Variants in PTPRN2 observed in about 807,000 individuals in gnomAD.
The protein encoded by PTPRN2 is protein tyrosine phosphatase receptor type N2.
In PTPRN2, 74 loss-of-function variants were observed where a neutral mutation model predicts 118.8. That is an observed-to-expected ratio of 0.62 (90% CI 0.52 to 0.76). The LOEUF is 0.76. PTPRN2 is among the 30% of genes least tolerant of loss of function. The pLI, the probability that PTPRN2 is intolerant of heterozygous loss-of-function variation, is 0.00. For missense variants in PTPRN2, 1,481 were observed against 1,394.4 expected, an observed-to-expected ratio of 1.06 and a Z score of -0.99; for synonymous variants, 641 against 608.0, an observed-to-expected ratio of 1.05 and a Z score of -0.80.
intron 12 of PTPRN2, among the ~76,000 whole-genome samples, chr7:157,777,869 G>C (rs1363932090): frequency 6.6e-6 from 1 of 151,920 alleles, no homozygotes; most frequent in Non-Finnish European, 1.5e-5. Flanking sequence ...CTGCTGAAAA[G>C]CTAGTTTCTT....
chr7:158,078,463 T>C (rs1162549151), intron 11 of PTPRN2, among the ~76,000 whole-genome samples: 2 of 152,250 alleles, frequency 1.3e-5, no homozygotes, highest in Non-Finnish European at 2.9e-5. Flanking sequence ...CACAGGGCGT[T>C]TGTGATGACA....
chr7:157,919,128 G>A (rs1028322999), intron 11 of PTPRN2, among the ~76,000 whole-genome samples: 4 of 152,140 alleles, frequency 2.6e-5, no homozygotes, highest in Non-Finnish European at 5.9e-5. Context: ...GAATTCAATA[G>A]CGACTGATCA....
rs73506274 is a variant in PTPRN2, at chr7:157,794,356, C to T, written c.1788+104317G>A. ...TGCTCCACCCAGGCTGCCTGCACTT[C>T]CGGTTCTGCGTCTGGCCGGCCTACG... On this transcript the variant is annotated intron_variant, in intron 12 of 22. Coordinates refer to ENST00000389418, the MANE Select transcript of PTPRN2 (RefSeq NM_002847.5). The surrounding 1 kb of genome is among the most constrained non-coding windows in gnomAD (Gnocchi z 5.2). Among the ~76,000 whole-genome samples the T allele has an allele frequency of 7.1e-3, 1,045 of 147,784 alleles. 46 individuals are homozygous for T. Among genetic ancestry groups the T allele is most frequent in the African/African-American group, 0.027 (999 of 37,430 alleles).
chr7:158,327,421 G>A (rs111973861), intron 2 of PTPRN2, among the ~76,000 whole-genome samples: 19 of 142,698 alleles, frequency 1.3e-4, no homozygotes, highest in East Asian at 6.5e-4. Flanking sequence ...ACATGTACAC[G>A]TTCTCACACA....
At chr7:157,789,064 A>G (rs1262919229) in intron 12 of PTPRN2, among the ~76,000 whole-genome samples, 1 of 152,236 alleles carries the variant, frequency 6.6e-6, no homozygotes, top group East Asian at 1.9e-4. Flanking sequence ...CTAAATTGCT[A>G]GAATTAGAGA....
intron 12 of PTPRN2, among the ~76,000 whole-genome samples, chr7:157,786,123 G>A (rs1180912915): frequency 4.6e-5 from 7 of 152,166 alleles, no homozygotes; most frequent in Admixed American, 3.9e-4. Flanking sequence ...TTTTGCTGTG[G>A]GGTGGATCCC....
At chr7:157,975,280 C>T (rs1024912114) in intron 11 of PTPRN2, among the ~76,000 whole-genome samples, 4 of 152,236 alleles carry the variant, frequency 2.6e-5, no homozygotes, top group South Asian at 2.1e-4. Flanking sequence ...ACCCTGTATC[C>T]GTTTCTCTAA....
At chr7:157,750,583 G>A (rs906190509) in intron 12 of PTPRN2, among the ~76,000 whole-genome samples, 1 of 152,250 alleles carries the variant, frequency 6.6e-6, no homozygotes, top group Non-Finnish European at 1.5e-5. Context: ...AGCTAGGAAG[G>A]CTGGCCCGAG....
intron 12 of PTPRN2, among the ~76,000 whole-genome samples, chr7:157,848,307 T>C (rs1229281743): frequency 6.8e-6 from 1 of 147,726 alleles, no homozygotes; most frequent in Admixed American, 6.7e-5. Context: ...CGTGTGTGCC[T>C]GATGTTTACA....
At chr7:157,978,697 G>C (rs972099952) in intron 11 of PTPRN2, among the ~76,000 whole-genome samples, 1 of 151,896 alleles carries the variant, frequency 6.6e-6, no homozygotes, top group African/African-American at 2.4e-5. Context: ...CTGAACAAGA[G>C]TCCTCAGCTC....
At chr7:158,495,577 G>A (rs1821781890) in intron 1 of PTPRN2, among the ~76,000 whole-genome samples, 1 of 152,096 alleles carries the variant, frequency 6.6e-6, no homozygotes, top group African/African-American at 2.4e-5. Context: ...CCTCCTGGCA[G>A]CACAGACCCT....
At position 157,576,753 on chromosome 7, in the gene PTPRN2, C is replaced by G; in HGVS notation, c.2643G>C (p.Trp881Cys). ...AGCTCCTCACCAGGAAGTCCTCACA[C>G]CAGATGTGCTCGGAGACCAGGTTCA... Reference protein sequence around the residue: ...YEVNLVSEHIWCEDFLVRSFY... With the variant: ...YEVNLVSEHICCEDFLVRSFY... The change falls in exon 19 of 23, where the codon TGG becomes TGC. Residue 881 changes from tryptophan (W) to cysteine (C), a missense_variant. This residue lies in a region of PTPRN2 where 362 missense variants were observed against 384.1 expected (regional missense o/e 0.94). Coordinates refer to ENST00000389418, the MANE Select transcript of PTPRN2 (RefSeq NM_002847.5). 6.2e-7 allele frequency: 1 copy of G among 1,607,634 alleles called. No individual in the cohort carries two copies. Among genetic ancestry groups the G allele is most frequent in the Non-Finnish European group, 8.5e-7 (1 of 1,176,756 alleles).
chr7:157,951,926 C>A (rs888242210), intron 11 of PTPRN2, among the ~76,000 whole-genome samples: 1 of 152,170 alleles, frequency 6.6e-6, no homozygotes, highest in Admixed American at 6.5e-5. Context: ...GGCGCCCACT[C>A]ACTCCTGCTG....
rs989990635 is a variant in PTPRN2, at chr7:158,570,064, C to T, written c.112+17494G>A. On this transcript the variant is annotated intron_variant, in intron 1 of 22. Coordinates refer to ENST00000389418, the MANE Select transcript of PTPRN2 (RefSeq NM_002847.5). The surrounding 1 kb of genome is among the most constrained non-coding windows in gnomAD (Gnocchi z 4.5). ...CGTTCCCTCAGGCGCGTCCTCCACC[C>T]GTTTCCCCCAGGCAGGGGGAAGCCC... Among the ~76,000 whole-genome samples, 2 of 152,182 alleles carry T rather than the reference C, an allele frequency of 1.3e-5. No homozygotes were observed. The highest frequency in any genetic ancestry group is 2.9e-5 in the Non-Finnish European group (2 of 68,016).
At chr7:157,934,136 T>C (rs28379699) in intron 11 of PTPRN2, among the ~76,000 whole-genome samples, 48,572 of 152,090 alleles carry the variant, frequency 0.32, 8,089 homozygotes, top group Non-Finnish European at 0.38. Flanking sequence ...CGGATCCATC[T>C]TGCCGCTGGT....
At chr7:158,086,147 A>T (rs1489964031) in intron 10 of PTPRN2, among the ~76,000 whole-genome samples, 1 of 152,076 alleles carries the variant, frequency 6.6e-6, no homozygotes, top group Non-Finnish European at 1.5e-5. Context: ...CTAATTACAG[A>T]CCTGCTTAGA....
In PTPRN2 at chr7:157,903,838, C is replaced by T. The variant is rs1665350275; in HGVS notation, c.1724-5101G>A. 2.0e-5 allele frequency among the ~76,000 whole-genome samples: 3 copies of T among 152,208 alleles called. No homozygotes were observed. In the South Asian group the frequency reaches 6.2e-4, roughly 31 times the overall value. On this transcript the variant is annotated intron_variant, in intron 11 of 22. Transcript: ENST00000389418. The surrounding 1 kb of genome is among the most constrained non-coding windows in gnomAD (Gnocchi z 4.2). ...CGCAAGCGCTTCCCACACTTCAATC[C>T]GTCTCCCCATCCAGGCTGTGGATTT...
At chr7:158,081,240 GCGTGTGTGTGTGCACACA>G (rs914046134) in intron 11 of PTPRN2, 40 bp downstream of exon 11, 138 of 1,461,466 alleles carry the variant, frequency 9.4e-5, no homozygotes, top group African/African-American at 5.9e-4. Context: ...GTGTTTGCGT[GCGTGTGTGTGTGCACACA>G]CGTGTGTGTG....
intron 15 of PTPRN2, among the ~76,000 whole-genome samples, chr7:157,608,845 G>A (rs1269269985): frequency 2.0e-5 from 3 of 152,258 alleles, no homozygotes; most frequent in African/African-American, 7.2e-5. Context: ...ACAGAGCAAT[G>A]GCGGGAACCA....
Sources: allele counts gnomAD v4.1 joint callset (sites outside exome capture counted in the v4.1 genomes callset), GRCh38; gene constraint gnomAD v4.1.1; regional missense constraint gnomAD v4.1.1; non-coding constraint Gnocchi (gnomAD v3.1); transcripts MANE v1.5; gene names NCBI Gene and HGNC (gene_info 2026-07-23, HGNC 2026-07-21).